FOCAD: variants seen among roughly 807,000 people sequenced by gnomAD.
FOCAD encodes the protein focadhesin.
Under a neutral mutation model 225.6 loss-of-function variants are expected in FOCAD, and 198 were observed. That is an observed-to-expected ratio of 0.88 (90% CI 0.78 to 0.99). The LOEUF (loss-of-function observed/expected upper bound fraction) is 0.99. FOCAD is among the 50% of genes least tolerant of loss of function. FOCAD has a pLI of 0.00. For synonymous variants in FOCAD, 897 were observed against 755.0 expected, an observed-to-expected ratio of 1.19 and a Z score of -3.08; for missense variants, 2,713 against 2,123.6, an observed-to-expected ratio of 1.28 and a Z score of -5.46.
chr9:20,887,097 T>G (rs1372715030), intron 21 of FOCAD, among the ~76,000 whole-genome samples: 3 of 152,226 alleles, frequency 2.0e-5, no homozygotes, highest in Admixed American at 2.0e-4. Context: ...AATCATCTCC[T>G]TGCATCTTGT....
chr9:20,764,437 A>G (rs1829882603), intron 6 of FOCAD, among the ~76,000 whole-genome samples: 1 of 152,176 alleles, frequency 6.6e-6, no homozygotes, highest in Admixed American at 6.5e-5. Flanking sequence ...TATTTTTAGT[A>G]GAGACAGTGT....
intron 1 of FOCAD, among the ~76,000 whole-genome samples, chr9:20,707,290 G>A (rs1824468501): frequency 6.6e-6 from 1 of 152,236 alleles, no homozygotes; most frequent in East Asian, 1.9e-4. Flanking sequence ...TAATTTTAAT[G>A]TGTCTTAATG....
chr9:20,836,839 G>A (rs1381520925), intron 15 of FOCAD, among the ~76,000 whole-genome samples: 2 of 151,728 alleles, frequency 1.3e-5, no homozygotes, highest in South Asian at 2.1e-4. Flanking sequence ...AAAAATGAAA[G>A]GTTTGTTGCT....
At chr9:20,753,754 A>T (rs1272738978) in intron 5 of FOCAD, among the ~76,000 whole-genome samples, 1 of 151,964 alleles carries the variant, frequency 6.6e-6, no homozygotes, top group Non-Finnish European at 1.5e-5. Context: ...ACAGTAAATG[A>T]TTATGATAGT....
rs4497056 is a variant in FOCAD, at chr9:20,993,462, T to G, written c.5332+134T>G. 0.39 allele frequency: 267,162 copies of G among 690,778 alleles called. 52,176 individuals carry two copies. The highest frequency in any genetic ancestry group is 0.46 in the East Asian group (16,521 of 35,850). 42.8% of individuals were successfully genotyped at this position (690,778 alleles called of 1,614,324 possible). On this transcript the variant is annotated intron_variant, in intron 43 of 43. Coordinates refer to ENST00000338382, the MANE Select transcript of FOCAD (RefSeq NM_001375567.1). ...GCTTGGGACCAGAGGTGTTTTGGATTTTGGATGTTTTTGGATTTGGGTATA... is the reference window on the plus strand; with the variant it reads ...GCTTGGGACCAGAGGTGTTTTGGATGTTGGATGTTTTTGGATTTGGGTATA...
At chr9:20,862,014 A>G (rs1203327151) in intron 15 of FOCAD, among the ~76,000 whole-genome samples, 1 of 152,142 alleles carries the variant, frequency 6.6e-6, no homozygotes, top group Non-Finnish European at 1.5e-5. Context: ...ACCTCTTAAA[A>G]AACCGGAATT....
intron 21 of FOCAD, among the ~76,000 whole-genome samples, chr9:20,904,221 A>G (rs538165857): frequency 2.4e-4 from 37 of 152,084 alleles, no homozygotes; most frequent in African/African-American, 8.9e-4. Context: ...ATGAACATCG[A>G]TATACATGGA....
chr9:20,798,372 A>G (rs1444855281), intron 11 of FOCAD, among the ~76,000 whole-genome samples: 1 of 152,146 alleles, frequency 6.6e-6, no homozygotes, highest in Non-Finnish European at 1.5e-5. Flanking sequence ...AAAATGAGTT[A>G]GGGAGGATTC....
upstream of FOCAD, among the ~76,000 whole-genome samples, chr9:20,656,468 G>T (rs1587159335): frequency 1.3e-5 from 2 of 152,086 alleles, no homozygotes; most frequent in African/African-American, 4.8e-5. Context: ...CTCCTGTATT[G>T]GGTGTATATA....
At chr9:20,816,489 A>T (rs1022245559) in intron 11 of FOCAD, among the ~76,000 whole-genome samples, 1 of 152,054 alleles carries the variant, frequency 6.6e-6, no homozygotes, top group African/African-American at 2.4e-5. Context: ...AACATCATAC[A>T]TTTTGGCTGT....
At chr9:20,778,592 A>G in intron 8 of FOCAD, 89 bp from the exon 9 acceptor site, 1 of 681,316 alleles carries the variant, frequency 1.5e-6, no homozygotes, top group Non-Finnish European at 2.6e-6. Flanking sequence ...AGTCTTTCAT[A>G]TTAAATATAT....
At chr9:20,762,330 A>T (rs1829675530) in intron 6 of FOCAD, among the ~76,000 whole-genome samples, 1 of 152,184 alleles carries the variant, frequency 6.6e-6, no homozygotes. Context: ...TATATGTTTC[A>T]GTAATAATTT....
chr9:20,820,412 T>C lies in FOCAD; in HGVS notation c.1649T>C (p.Leu550Ser). 6.2e-7 allele frequency: 1 copy of C among 1,612,606 alleles called. No individual in the cohort carries two copies. Among genetic ancestry groups the C allele is most frequent in the Non-Finnish European group, 8.5e-7 (1 of 1,179,148 alleles). ...GTCACTTTGCGCTTGCTGACATCTT[T>C]GTGGGAAAAGCAGGTAATTTCAGAT... is the stretch of plus-strand genomic sequence containing the variant. The part of the protein sequence containing the change: ...RAVTLRLLTS[L>S]WEKQDRVYPE... Residue 550 changes from leucine to serine, a missense_variant, in exon 13 of 44, where the codon TTG becomes TCG. Physicochemically the swap from Leu to Ser is moderately radical, Grantham distance 145. Transcript: ENST00000338382.
intron 21 of FOCAD, among the ~76,000 whole-genome samples, chr9:20,889,432 A>G (rs1564116737): frequency 1.3e-5 from 2 of 152,150 alleles, no homozygotes; most frequent in Non-Finnish European, 2.9e-5. Context: ...TTTAAGGTTT[A>G]CTTTTTAGCT....
At chr9:20,794,102 C>T (rs1358539463) in intron 11 of FOCAD, among the ~76,000 whole-genome samples, 1 of 152,170 alleles carries the variant, frequency 6.6e-6, no homozygotes, top group Non-Finnish European at 1.5e-5. Flanking sequence ...CTGCAACCAA[C>T]TTGGCCTTGA....
chr9:20,675,628 G>C (rs935093639), intron 2 of FOCAD, among the ~76,000 whole-genome samples: 4 of 152,172 alleles, frequency 2.6e-5, no homozygotes, highest in African/African-American at 9.7e-5. Flanking sequence ...AATTTTCTGA[G>C]TGGCTTCTTT....
intron 15 of FOCAD, among the ~76,000 whole-genome samples, chr9:20,836,790 C>A (rs117376988): frequency 2.0e-5 from 3 of 151,740 alleles, no homozygotes; most frequent in African/African-American, 7.3e-5. Flanking sequence ...GAATACCATT[C>A]AGTACACATA....
intron 2 of FOCAD, among the ~76,000 whole-genome samples, chr9:20,671,556 G>A (rs1435308605): frequency 1.3e-5 from 2 of 152,084 alleles, no homozygotes; most frequent in Non-Finnish European, 2.9e-5. Flanking sequence ...CCTATTGGCC[G>A]TCCTTGCAAG....
At chr9:20,726,483 C>A (rs1826208769) in intron 4 of FOCAD, 1 of 152,058 alleles carries the variant, frequency 6.6e-6, no homozygotes, top group African/African-American at 2.4e-5. Flanking sequence ...ATTTGTATGC[C>A]TTTTGTGCTC....
Sources: gnomAD v4.1 joint callset for allele counts (sites outside exome capture counted in the v4.1 genomes callset) on GRCh38, gnomAD v4.1.1 for gene constraint, MANE v1.5 for transcripts, NCBI Gene and HGNC (gene_info 2026-07-23, HGNC 2026-07-21) for gene names.